The following SMG6 variants were observed in gnomAD, a reference collection of about 807,000 sequenced individuals.
SMG6 encodes SMG6 nonsense mediated mRNA decay factor, also known as telomerase-binding protein EST1A.
In SMG6, 66 loss-of-function variants were observed where a neutral mutation model predicts 142.2. That is an observed-to-expected ratio of 0.46 (90% CI 0.38 to 0.57). The LOEUF is 0.57. Ranked by LOEUF, SMG6 falls within the 20% of genes least tolerant of loss-of-function variation. SMG6 has a pLI of 0.00. For missense variants in SMG6, 1,793 were observed against 1,832.0 expected (o/e 0.98, Z 0.39); for synonymous variants, 779 against 702.4 (o/e 1.11, Z -1.72).
intron 10 of SMG6, among the ~76,000 whole-genome samples, chr17:2,216,853 T>C (rs1015071069): frequency 5.9e-5 from 9 of 152,182 alleles, no homozygotes; most frequent in African/African-American, 1.9e-4. Context: ...ATCTATGAGG[T>C]TGTTAGTTCT....
intron 8 of SMG6, among the ~76,000 whole-genome samples, chr17:2,257,154 C>T (rs1033281751): frequency 1.3e-5 from 2 of 150,080 alleles, no homozygotes; most frequent in African/African-American, 4.9e-5. Context: ...GGCGTGATCT[C>T]GGCTCACTGC....
At chr17:2,091,651 G>A (rs2068717689) in intron 13 of SMG6, among the ~76,000 whole-genome samples, 1 of 150,382 alleles carries the variant, frequency 6.6e-6, no homozygotes, top group Admixed American at 6.7e-5. Flanking sequence ...GTTAAGTACA[G>A]GCTACTTTCT....
intron 12 of SMG6, among the ~76,000 whole-genome samples, chr17:2,176,688 G>C (rs1420646289): frequency 1.3e-5 from 2 of 152,142 alleles, no homozygotes; most frequent in African/African-American, 2.4e-5. Context: ...AGAGAGCAGG[G>C]ATCAGCAGTT....
chr17:2,089,990 C>T (rs2068668837), intron 13 of SMG6, among the ~76,000 whole-genome samples: 1 of 151,824 alleles, frequency 6.6e-6, no homozygotes, highest in Non-Finnish European at 1.5e-5. Flanking sequence ...TCAAGACCAG[C>T]CTGGACAACA....
At chr17:2,193,703 C>A (rs1442406794) in intron 10 of SMG6, among the ~76,000 whole-genome samples, 1 of 152,152 alleles carries the variant, frequency 6.6e-6, no homozygotes, top group Non-Finnish European at 1.5e-5. Context: ...GAATACATAC[C>A]TACTCAAGTA....
chr17:2,091,067 T>C (rs145920866), intron 13 of SMG6, among the ~76,000 whole-genome samples: 1 of 152,308 alleles, frequency 6.6e-6, no homozygotes, highest in Non-Finnish European at 1.5e-5. Flanking sequence ...CTCAGACTAA[T>C]GTGTTTTCAC....
intron 13 of SMG6, among the ~76,000 whole-genome samples, chr17:2,171,735 T>C (rs1474202838): frequency 2.7e-5 from 4 of 148,634 alleles, no homozygotes; most frequent in African/African-American, 7.5e-5. Context: ...ATTTTTACTT[T>C]TTTTTTTTTT....
At chr17:2,127,823 C>T in intron 13 of SMG6, 1 of 550,584 alleles carries the variant, frequency 1.8e-6, no homozygotes, top group Non-Finnish European at 3.6e-6. Flanking sequence ...TCGTTTTTCA[C>T]ATTCACAGTC....
chr17:2,163,158 T>A (rs2071233439), intron 13 of SMG6, among the ~76,000 whole-genome samples: 1 of 152,156 alleles, frequency 6.6e-6, no homozygotes, highest in Non-Finnish European at 1.5e-5. Context: ...AAAGTATTTC[T>A]AAATGAACAT....
At chr17:2,175,893 G>C (rs1273265698) in intron 12 of SMG6, among the ~76,000 whole-genome samples, 1 of 152,100 alleles carries the variant, frequency 6.6e-6, no homozygotes, top group African/African-American at 2.4e-5. Context: ...GTTTCAGTGG[G>C]ATCACCCAAA....
chr17:2,142,821 G>T (rs961990453), intron 13 of SMG6, among the ~76,000 whole-genome samples: 1 of 151,034 alleles, frequency 6.6e-6, no homozygotes, highest in Admixed American at 6.6e-5. Context: ...CTGGGAGGCG[G>T]AGGTTGCGGT....
chr17:2,207,117 C>CAAAAAAAAAAAAAAAAAA, intron 10 of SMG6, among the ~76,000 whole-genome samples: 1 of 79,794 alleles, frequency 1.3e-5, no homozygotes, highest in Non-Finnish European at 2.4e-5. Context: ...ACTAAAAATC[C>CAAAAAAAAAAAAAAAAAA]AAAAAAAAAA....
chr17:2,167,193 AT>A (rs1444075220), intron 13 of SMG6, among the ~76,000 whole-genome samples: 1 of 151,634 alleles, frequency 6.6e-6, no homozygotes, highest in Non-Finnish European at 1.5e-5. Flanking sequence ...GGCAAAAAAA[AT>A]AAAGGTTATA....
rs374034489 is a variant in SMG6, at chr17:2,065,572, C to G, written c.3943G>C (p.Glu1315Gln). 2 of 1,614,110 alleles carry G rather than the reference C, an allele frequency of 1.2e-6. No individual in the cohort carries two copies. Among genetic ancestry groups the G allele is most frequent in the Admixed American group, 1.7e-5 (1 of 60,034 alleles). Residue 1315 changes from glutamate to glutamine, a missense_variant, in exon 17 of 19, where the codon GAG becomes CAG. By Grantham distance (29) the Glu-to-Gln change is conservative. This residue lies in a region of SMG6 where 179 missense variants were observed against 212.6 expected (regional missense o/e 0.84). Transcript: ENST00000263073. ...EKARKSIEFL[E>Q]QRFESRDSCL... The stretch of plus-strand genomic sequence containing the variant: ...GAGTCCCGACTCTCGAATCGCTGCT[C>G]GAGGAACTCGATGGACTTGCGGGCC...
chr17:2,169,309 C>CT, intron 13 of SMG6, among the ~76,000 whole-genome samples: 1 of 146,588 alleles, frequency 6.8e-6, no homozygotes, highest in East Asian at 2.0e-4. Flanking sequence ...AGACTCATCT[C>CT]TTAAAAAAAA....
chr17:2,103,729 T>C lies in SMG6; in HGVS notation c.3358-17828A>G, dbSNP rs149410892. ...CACCTCCAACACCCTGTAGCTCCCATTGGGCCACTTGGAGGGTATAAGCCA... is the reference window on the plus strand; with the variant it reads ...CACCTCCAACACCCTGTAGCTCCCACTGGGCCACTTGGAGGGTATAAGCCA... On this transcript the variant is annotated intron_variant, in intron 13 of 18. Transcript: ENST00000263073. 2.3e-3 allele frequency among the ~76,000 whole-genome samples: 353 copies of C among 152,248 alleles called. 1 individual carries two copies. Among genetic ancestry groups the C allele is most frequent in the African/African-American group, 7.7e-3 (321 of 41,550 alleles).
At chr17:2,061,717 G>C in intron 18 of SMG6, 95 bp from the exon 19 acceptor site, 1 of 1,381,440 alleles carries the variant, frequency 7.2e-7, no homozygotes, top group Non-Finnish European at 9.9e-7. Context: ...CTGGGGAGGG[G>C]GTGCCACGCT....
chr17:2,282,213 G>A (rs767782512), intron 8 of SMG6, among the ~76,000 whole-genome samples: 2 of 151,738 alleles, frequency 1.3e-5, no homozygotes, highest in East Asian at 1.9e-4. Flanking sequence ...AAAAGTCCCC[G>A]CCCAAGAGTT....
chr17:2,132,672 G>A (rs760779414), intron 13 of SMG6, among the ~76,000 whole-genome samples: 3 of 152,194 alleles, frequency 2.0e-5, no homozygotes, highest in Non-Finnish European at 4.4e-5. Flanking sequence ...ATGAGGTACA[G>A]GAACTAAACT....
Sources: gnomAD v4.1 joint callset for allele counts (sites outside exome capture counted in the v4.1 genomes callset) on GRCh38, gnomAD v4.1.1 for gene constraint, gnomAD v4.1.1 regional missense constraint, MANE v1.5 for transcripts, NCBI Gene and HGNC (gene_info 2026-07-23, HGNC 2026-07-21) for gene names.